CSMD1: variants seen among roughly 807,000 people sequenced by gnomAD.
The protein encoded by CSMD1 is CUB and sushi domain-containing protein 1.
In CSMD1, 213 loss-of-function variants were observed where a neutral mutation model predicts 417.5. That is an observed-to-expected ratio of 0.51 (90% CI 0.46 to 0.57). The LOEUF (loss-of-function observed/expected upper bound fraction) is 0.57. CSMD1 is among the 20% of genes least tolerant of loss of function. The pLI is 0.00. For synonymous variants in CSMD1, 2,862 were observed against 1,736.8 expected (o/e 1.65, Z -16.11); for missense variants, 6,923 against 4,529.7 (o/e 1.53, Z -15.17).
chr8:4,570,275 T>C (rs1171539774), intron 2 of CSMD1, among the ~76,000 whole-genome samples: 3 of 152,200 alleles, frequency 2.0e-5, no homozygotes, highest in African/African-American at 2.4e-5. Flanking sequence ...GGCTGTGGGT[T>C]TGTCATACAC....
At chr8:4,312,197 C>G (rs911151873) in intron 3 of CSMD1, among the ~76,000 whole-genome samples, 2 of 151,936 alleles carry the variant, frequency 1.3e-5, no homozygotes, top group African/African-American at 4.8e-5. Flanking sequence ...AACATACACA[C>G]TATCTATATG....
At chr8:4,484,111 G>T (rs73180913) in intron 2 of CSMD1, among the ~76,000 whole-genome samples, 19,429 of 151,542 alleles carry the variant, frequency 0.13, 1,494 homozygotes, top group South Asian at 0.22. Flanking sequence ...GAGAGCTGGG[G>T]TCATGAGGTT....
intron 5 of CSMD1, among the ~76,000 whole-genome samples, chr8:3,884,399 T>C (rs1806413873): frequency 6.6e-6 from 1 of 152,038 alleles, no homozygotes; most frequent in African/African-American, 2.4e-5. Context: ...AGTGGCATCT[T>C]CTAGCACAAA....
intron 49 of CSMD1, among the ~76,000 whole-genome samples, chr8:3,054,637 A>C (rs1028824604): frequency 6.6e-6 from 1 of 151,954 alleles, no homozygotes; most frequent in Non-Finnish European, 1.5e-5. Flanking sequence ...CAAAAAACAC[A>C]TGCGTGTGTG....
chr8:3,725,309 T>C (rs1236766434), intron 6 of CSMD1, among the ~76,000 whole-genome samples: 2 of 152,178 alleles, frequency 1.3e-5, no homozygotes, highest in East Asian at 3.9e-4. Context: ...ACAAGTGCTA[T>C]TTCAGTCATA....
At chr8:4,853,921 G>A (rs1309216974) in intron 1 of CSMD1, among the ~76,000 whole-genome samples, 1 of 152,094 alleles carries the variant, frequency 6.6e-6, no homozygotes, top group Non-Finnish European at 1.5e-5. Flanking sequence ...GCTCTGCTGG[G>A]TTTCAGAATT....
intron 1 of CSMD1, among the ~76,000 whole-genome samples, chr8:4,867,927 A>AG (rs1802512697): frequency 6.7e-6 from 1 of 148,876 alleles, no homozygotes; most frequent in South Asian, 2.2e-4. Flanking sequence ...CTAAGACCCT[A>AG]CTGTCTACGT....
intron 1 of CSMD1, among the ~76,000 whole-genome samples, chr8:4,741,621 A>G (rs907991476): frequency 1.3e-5 from 2 of 152,216 alleles, no homozygotes; most frequent in African/African-American, 4.8e-5. Context: ...GAGGAACAGT[A>G]GGATGACAAG....
chr8:4,447,644 C>T lies in CSMD1; in HGVS notation c.303-27579G>A, dbSNP rs143518809. On this transcript the variant is annotated intron_variant, in intron 2 of 69. Coordinates refer to ENST00000635120, the MANE Select transcript of CSMD1 (RefSeq NM_033225.6). ...AGCTTGTTCAAAGTCGACAGGTTTA[C>T]GGAAAAGGAAGGAATGGTTTCCACA... Among the ~76,000 whole-genome samples the T allele has an allele frequency of 1.6e-3, 245 of 152,210 alleles. 1 individual carries two copies. Among genetic ancestry groups the T allele is most frequent in the African/African-American group, 5.4e-3 (226 of 41,542 alleles).
At chr8:3,004,791 G>T (rs550586912) in intron 52 of CSMD1, among the ~76,000 whole-genome samples, 1 of 152,254 alleles carries the variant, frequency 6.6e-6, no homozygotes, top group Admixed American at 6.5e-5. Context: ...GAATGAAATG[G>T]TCTGCTCCAG....
At chr8:4,333,790 T>A (rs137866116) in intron 3 of CSMD1, among the ~76,000 whole-genome samples, 25 of 152,290 alleles carry the variant, frequency 1.6e-4, no homozygotes, top group African/African-American at 6.0e-4. Context: ...GGTCTGCCCC[T>A]GGAAACACAT....
chr8:3,176,918 A>G (rs1820970548), intron 37 of CSMD1, among the ~76,000 whole-genome samples: 1 of 151,818 alleles, frequency 6.6e-6, no homozygotes, highest in African/African-American at 2.4e-5. Flanking sequence ...AGGTGGGACT[A>G]CAGGTGAGGC....
chr8:3,805,714 CTTTTT>C (rs1800695022), intron 5 of CSMD1, among the ~76,000 whole-genome samples: 1 of 152,066 alleles, frequency 6.6e-6, no homozygotes, highest in Non-Finnish European at 1.5e-5. Context: ...TATCTTTCTT[CTTTTT>C]TTAATTCGAG....
At chr8:4,293,598 T>C (rs1194982765) in intron 3 of CSMD1, among the ~76,000 whole-genome samples, 2 of 152,182 alleles carry the variant, frequency 1.3e-5, no homozygotes, top group African/African-American at 2.4e-5. Context: ...CATCTCATCA[T>C]GAACTAAGCA....
intron 3 of CSMD1, among the ~76,000 whole-genome samples, chr8:4,218,866 C>A (rs1647319): frequency 1 from 151,863 of 152,338 alleles, 75,696 homozygotes; most frequent in Non-Finnish European, 1. Flanking sequence ...GAGACATCAC[C>A]TCCTATTTTC....
intron 3 of CSMD1, among the ~76,000 whole-genome samples, chr8:4,177,932 C>T (rs1714702): frequency 0.98 from 149,353 of 152,050 alleles, 73,405 homozygotes; most frequent in Middle Eastern, 1. Flanking sequence ...ATTGTGGCAA[C>T]AATCAATAGC....
intron 7 of CSMD1, among the ~76,000 whole-genome samples, chr8:3,696,908 G>C (rs1035747069): frequency 6.6e-6 from 1 of 152,054 alleles, no homozygotes; most frequent in Non-Finnish European, 1.5e-5. Flanking sequence ...TTATGAAAGA[G>C]AACACTTTAT....
intron 2 of CSMD1, among the ~76,000 whole-genome samples, chr8:4,450,323 T>C (rs1799064777): frequency 6.6e-6 from 1 of 152,110 alleles, no homozygotes; most frequent in Non-Finnish European, 1.5e-5. Flanking sequence ...TATTTTTTCT[T>C]TGTTTTTTTA....
At chr8:4,187,230 A>T (rs3990318) in intron 3 of CSMD1, among the ~76,000 whole-genome samples, 126,927 of 152,124 alleles carry the variant, frequency 0.83, 53,152 homozygotes, top group South Asian at 0.94. Context: ...AATAATATGG[A>T]ACTTTAACAT....
Sources: gnomAD v4.1 joint callset for allele counts (sites outside exome capture counted in the v4.1 genomes callset) on GRCh38, gnomAD v4.1.1 for gene constraint, MANE v1.5 for transcripts, NCBI Gene and HGNC (gene_info 2026-07-23, HGNC 2026-07-21) for gene names.